Variants in PLEKHA8 observed in about 807,000 individuals in gnomAD.
The protein encoded by PLEKHA8 is pleckstrin homology domain-containing family A member 8.
Under a neutral mutation model 68.2 loss-of-function variants are expected in PLEKHA8, and 36 were observed. The observed-to-expected ratio is 0.53, with a 90% CI of 0.40 to 0.70. PLEKHA8 has a LOEUF of 0.70. PLEKHA8 is among the 30% of genes least tolerant of loss of function. The probability of loss-of-function intolerance (pLI) is 0.00; values close to 1 mark genes in which losing one functional copy is unlikely to be tolerated. For missense variants in PLEKHA8, 505 were observed against 615.4 expected, an observed-to-expected ratio of 0.82 and a Z score of 1.90; for synonymous variants, 211 against 216.1, an observed-to-expected ratio of 0.98 and a Z score of 0.20.
chr7:30,070,348 G>A (rs1424467374), intron 12 of PLEKHA8, among the ~76,000 whole-genome samples: 1 of 152,080 alleles, frequency 6.6e-6, no homozygotes, highest in Non-Finnish European at 1.5e-5. Context: ...ATGTGCTGCT[G>A]TACAAACACT....
rs1474786425 is a variant in PLEKHA8, at chr7:30,116,053, TAC to T, written c.1363-13212_1363-13211del. The T allele has an allele frequency of 1.6e-4, 23 of 143,398 alleles. 4 individuals are homozygous for T. Among genetic ancestry groups the T allele is most frequent in the Admixed American group, 1.4e-4 (2 of 14,686 alleles). 8.9% of individuals were successfully genotyped at this position (143,398 alleles called of 1,614,324 possible). ...ACATACATGTGCGCATACGCATACA[TAC>T]GTATGCATACGTATACATGTATACA... On this transcript the variant is annotated intron_variant, in intron 13 of 13. Coordinates refer to the PLEKHA8 transcript ENST00000396257.
intron 12 of PLEKHA8, among the ~76,000 whole-genome samples, chr7:30,070,024 A>G (rs752793849): frequency 1.1e-4 from 16 of 152,240 alleles, no homozygotes; most frequent in Non-Finnish European, 1.9e-4. Context: ...AATCTTCTCT[A>G]GGTAACCAAA....
At chr7:30,129,362 A>G in exon 14 of PLEKHA8, 1 of 1,609,616 alleles carries the variant, frequency 6.2e-7, no homozygotes. Flanking sequence ...GGTAAAGCAG[A>G]AAGAAGAGCT....
intron 12 of PLEKHA8, among the ~76,000 whole-genome samples, chr7:30,071,465 C>G (rs1442286155): frequency 6.6e-6 from 1 of 152,210 alleles, no homozygotes; most frequent in East Asian, 1.9e-4. Flanking sequence ...CGCCTCACCC[C>G]CAACCCAGAC....
chr7:30,106,429 T>C (rs886578285), intron 13 of PLEKHA8, among the ~76,000 whole-genome samples: 2 of 152,174 alleles, frequency 1.3e-5, no homozygotes, highest in African/African-American at 4.8e-5. Flanking sequence ...TTTTATCTTT[T>C]TCCTTATGAA....
rs774788014 is a variant in PLEKHA8 at position 30,045,068 on chromosome 7, C to T, written c.41-17C>T. ...CACAGGCAGTAATTGCAATGATGCT[C>T]TTGCTTTTGTTTTCAGGTTGGCAGC... On this transcript the variant is annotated splice_polypyrimidine_tract_variant and intron_variant, in intron 1 of 13. Coordinates refer to ENST00000449726, the MANE Select transcript of PLEKHA8 (RefSeq NM_001197026.2). The T allele has an allele frequency of 1.6e-5, 25 of 1,555,112 alleles. No homozygotes were observed. The South Asian group carries it at 2.3e-4, about 14-fold the overall frequency.
At chr7:30,094,190 C>G (rs1205498215), downstream of PLEKHA8, among the ~76,000 whole-genome samples, 1 of 152,112 alleles carries the variant, frequency 6.6e-6, no homozygotes, top group Non-Finnish European at 1.5e-5. Context: ...ATCACTCATA[C>G]TTAATGTCTT....
At chr7:30,056,848 GATAA>G (rs1441160603) in intron 9 of PLEKHA8, among the ~76,000 whole-genome samples, 5 of 127,582 alleles carry the variant, frequency 3.9e-5, no homozygotes, top group African/African-American at 1.4e-4. Flanking sequence ...ATATTTAATA[GATAA>G]ATATATCTGA....
intron 13 of PLEKHA8, chr7:30,115,967 C>G (rs1796497691): frequency 7.7e-6 from 1 of 130,512 alleles, no homozygotes; most frequent in African/African-American, 2.8e-5. Context: ...TGCATGCATA[C>G]ATGTGCATGC....
Position 30,061,917 on chromosome 7 carries a change from A to T in PLEKHA8, c.1119A>T (p.Ile373=). ...TCCAGAAAGTAAATCAGAAGTATAT[A>T]ACCAACAAAGAAGAGTTTACCACTC... is the stretch of plus-strand genomic sequence containing the variant. ...GNIKKVNQKY[I]TNKEEFTTLQ... is the part of the protein sequence containing the mutation. Residue 373 remains isoleucine (I), a synonymous_variant, in exon 11 of 14, where the codon ATA becomes ATT. Transcript: ENST00000449726. The T allele has an allele frequency of 6.2e-7, 1 of 1,614,100 alleles. No homozygotes were observed.
At chr7:30,093,975 G>C (rs1795510164), downstream of PLEKHA8, among the ~76,000 whole-genome samples, 1 of 152,174 alleles carries the variant, frequency 6.6e-6, no homozygotes. Context: ...TTGTTATGAG[G>C]ATTAGCTGAG....
intron 13 of PLEKHA8, among the ~76,000 whole-genome samples, chr7:30,099,101 G>A (rs1463809610): frequency 6.6e-6 from 1 of 152,118 alleles, no homozygotes; most frequent in Non-Finnish European, 1.5e-5. Context: ...TTTTTATAAA[G>A]TACTTAAATA....
intron 13 of PLEKHA8, among the ~76,000 whole-genome samples, chr7:30,076,333 T>G (rs1438698289): frequency 6.6e-6 from 1 of 152,176 alleles, no homozygotes; most frequent in African/African-American, 2.4e-5. Flanking sequence ...TTAAACTGCT[T>G]CTAAGTTTAG....
intron 13 of PLEKHA8, among the ~76,000 whole-genome samples, chr7:30,105,780 T>C (rs896609890): frequency 2.6e-5 from 4 of 152,246 alleles, no homozygotes; most frequent in African/African-American, 9.6e-5. Context: ...ATATCATTTT[T>C]CTCTTGGGTT....
At position 30,046,107 on chromosome 7, in the gene PLEKHA8, C is replaced by T. The variant is rs1054893568; in HGVS notation, c.158-103C>T. On this transcript the variant is annotated intron_variant, in intron 2 of 13. Coordinates refer to ENST00000449726, the MANE Select transcript of PLEKHA8 (RefSeq NM_001197026.2). ...GACTGGCATCCTCTTTGGGAAGAAG[C>T]CTTCAATGACTGCCATCAATTAAGC... The T allele has an allele frequency of 6.2e-6, 7 of 1,122,168 alleles. No homozygotes were observed. In the Admixed American group the frequency reaches 1.8e-4, roughly 29 times the overall value. 69.5% of individuals were successfully genotyped at this position (1,122,168 alleles called of 1,614,324 possible).
At chr7:30,124,722 G>A (rs1007627720) in intron 13 of PLEKHA8, among the ~76,000 whole-genome samples, 3 of 151,934 alleles carry the variant, frequency 2.0e-5, no homozygotes, top group Non-Finnish European at 4.4e-5. Flanking sequence ...AAAAGAAAAA[G>A]TACAAAAGGT....
chr7:30,109,612 A>AGAG (rs1554282023), intron 13 of PLEKHA8, among the ~76,000 whole-genome samples: 1 of 104,792 alleles, frequency 9.5e-6, no homozygotes, highest in Non-Finnish European at 2.1e-5. Context: ...AAAAAAAAAA[A>AGAG]AGAGAGAGAG....
Position 30,079,359 on chromosome 7 carries a change from G to A in PLEKHA8, c.*572G>A, listed in dbSNP as rs1250469967. 8 of 985,782 alleles carry A rather than the reference G, an allele frequency of 8.1e-6. No homozygotes were observed. 61.1% of individuals were successfully genotyped at this position (985,782 alleles called of 1,614,324 possible). A position where few individuals can be genotyped will look rare whatever the true frequency, so the allele number is the denominator to read the frequency against. ...TCACATGACCATGCAATTGTGGGAG[G>A]CGAAGAAGACGTGGACAGGAGTCCC... On this transcript the variant is annotated 3_prime_UTR_variant, in exon 14 of 14. Transcript: ENST00000449726.
intron 9 of PLEKHA8, among the ~76,000 whole-genome samples, chr7:30,060,297 T>C (rs1793334384): frequency 6.6e-6 from 1 of 151,556 alleles, no homozygotes; most frequent in African/African-American, 2.4e-5. Context: ...AAAAATTAGC[T>C]GGGCGTGGTG....
Sources: allele counts gnomAD v4.1 joint callset (sites outside exome capture counted in the v4.1 genomes callset), GRCh38; gene constraint gnomAD v4.1.1; transcripts MANE v1.5; gene names NCBI Gene and HGNC (gene_info 2026-07-23, HGNC 2026-07-21).